FLNB: variants seen among roughly 807,000 people sequenced by gnomAD.
FLNB encodes the protein filamin-B.
A neutral mutation model predicts 250.6 loss-of-function variants in FLNB; 111 were observed. The ratio of observed to expected loss-of-function variants is 0.44; its 90% CI spans 0.38 to 0.52. The LOEUF (loss-of-function observed/expected upper bound fraction) is 0.52. Among genes scored for constraint, FLNB ranks in the 20% least tolerant of loss-of-function variants. The pLI, the probability that FLNB is intolerant of heterozygous loss-of-function variation, is 0.00. For synonymous variants in FLNB, 1,302 were observed against 1,372.1 expected, an observed-to-expected ratio of 0.95 and a Z score of 1.13; for missense variants, 2,869 against 3,447.8, an observed-to-expected ratio of 0.83 and a Z score of 4.20.
intron 22 of FLNB, 69 bp downstream of exon 22, chr3:58,124,574 G>GGCATCA: frequency 6.5e-7 from 1 of 1,530,324 alleles, no homozygotes; most frequent in Non-Finnish European, 9.0e-7. Flanking sequence ...CCTGGTGGCT[G>GGCATCA]GTACTGATGC....
intron 11 of FLNB, among the ~76,000 whole-genome samples, chr3:58,105,983 A>G (rs2107102786): frequency 6.6e-6 from 1 of 152,330 alleles, no homozygotes; most frequent in Middle Eastern, 3.4e-3. Flanking sequence ...GTATCCTTCT[A>G]GACTTTTTTC....
Position 58,134,784 on chromosome 3 carries a change from T to G in FLNB, c.4671+12T>G. 6.2e-7 allele frequency: 1 copy of G among 1,613,144 alleles called. No individual in the cohort carries two copies. Reference sequence around the variant, plus strand: ...CTGTTCAAATAACGGTAACTTGGAGTTATTTTCTGAGCCAAACCTTAATCC... The same window carrying G: ...CTGTTCAAATAACGGTAACTTGGAGGTATTTTCTGAGCCAAACCTTAATCC... On this transcript the variant is annotated intron_variant, in intron 27 of 45. Transcript: ENST00000295956.
intron 9 of FLNB, among the ~76,000 whole-genome samples, 170 bp downstream of exon 9, chr3:58,102,510 T>C (rs2097252765): frequency 6.6e-6 from 1 of 152,256 alleles, no homozygotes; most frequent in African/African-American, 2.4e-5. Flanking sequence ...TGATTAGTAA[T>C]GTCTGCCCTG....
At chr3:58,023,236 C>T (rs753903855) in intron 1 of FLNB, among the ~76,000 whole-genome samples, 1 of 150,832 alleles carries the variant, frequency 6.6e-6, no homozygotes, top group Non-Finnish European at 1.5e-5. Flanking sequence ...GTAGCTGGGA[C>T]TACAGGCACG....
At chr3:58,170,353 G>A in intron 45 of FLNB, 1 of 585,216 alleles carries the variant, frequency 1.7e-6, no homozygotes, top group South Asian at 2.0e-5. Context: ...AGGGAGAGGT[G>A]AGATTCCAGT....
intron 1 of FLNB, among the ~76,000 whole-genome samples, chr3:58,013,011 A>G (rs1468205143): frequency 6.6e-6 from 1 of 152,220 alleles, no homozygotes; most frequent in Non-Finnish European, 1.5e-5. Context: ...CGCCATCCAA[A>G]AGTTGAAAAT....
intron 1 of FLNB, among the ~76,000 whole-genome samples, chr3:58,037,999 C>G (rs1387165181): frequency 6.6e-6 from 1 of 152,052 alleles, no homozygotes; most frequent in Non-Finnish European, 1.5e-5. Context: ...GACTTTGAGC[C>G]TGAGGCCTGT....
In FLNB at chr3:58,008,619, C is replaced by T; in HGVS notation, c.55C>T (p.Gln19Ter). The T allele has an allele frequency of 6.2e-7, 1 of 1,613,422 alleles. No homozygotes were observed. The highest frequency in any genetic ancestry group is 8.5e-7 in the Non-Finnish European group (1 of 1,179,762). ...AEDAPWKKIQQNTFTRWCNEH... is the reference protein window; with the variant it reads ...AEDAPWKKIQ Reference sequence around the variant, plus strand: ...GGACGCGCCTTGGAAGAAGATCCAGCAGAACACGTTCACACGCTGGTGCAA... The same window carrying T: ...GGACGCGCCTTGGAAGAAGATCCAGTAGAACACGTTCACACGCTGGTGCAA... Residue 19 changes from glutamine (Q) to a stop codon, truncating the protein, a stop_gained, in exon 1 of 46, where the codon CAG (glutamine) becomes TAG (stop). Coordinates refer to ENST00000295956, the MANE Select transcript of FLNB (RefSeq NM_001457.4). LOFTEE classifies it high-confidence loss of function.
chr3:58,154,638 A>T (rs1029317086), intron 39 of FLNB, 153 bp from the exon 40 acceptor site: 58 of 737,326 alleles, frequency 7.9e-5, no homozygotes, highest in Admixed American at 2.3e-4. Flanking sequence ...TCAGCAATGG[A>T]CCTTGGACCT....
intron 1 of FLNB, among the ~76,000 whole-genome samples, chr3:58,017,472 C>G (rs751996909): frequency 8.5e-5 from 13 of 152,118 alleles, no homozygotes; most frequent in Non-Finnish European, 1.6e-4. Flanking sequence ...AGGCTGGTCT[C>G]GAACTCCCGA....
At chr3:58,092,207 C>T (rs1010260852) in intron 4 of FLNB, among the ~76,000 whole-genome samples, 10 of 152,106 alleles carry the variant, frequency 6.6e-5, no homozygotes, top group African/African-American at 2.2e-4. Context: ...ACTATCAGAA[C>T]GGCTAAAATA....
Position 58,169,511 on chromosome 3 carries a change from G to T in FLNB, c.7418-79G>T. On this transcript the variant is annotated intron_variant, in intron 44 of 45. Transcript: ENST00000295956. This position sits in a 1 kb window ranked among gnomAD's most constrained non-coding sequence, Gnocchi z 4.8. ...GGGCTCTCCTGGGGTTACTGTGTAG[G>T]GTACTCGCCTGTCCTCTGGCTGAGA... The T allele has an allele frequency of 8.7e-7, 1 of 1,145,546 alleles. No homozygotes were observed. The highest frequency in any genetic ancestry group is 1.2e-5 in the South Asian group (1 of 81,450). 71.0% of individuals were successfully genotyped at this position (1,145,546 alleles called of 1,614,324 possible).
rs540724507 is a variant in FLNB at position 58,109,272 on chromosome 3, A to T, written c.2149A>T (p.Thr717Ser). ...CACCCCGGTGAAGGCCATCAAGCACACCATTGCTGTGGTCTGGGGAGGCGT... is the reference window on the plus strand; with the variant it reads ...CACCCCGGTGAAGGCCATCAAGCACTCCATTGCTGTGGTCTGGGGAGGCGT... Reference protein sequence around the residue: ...SYTPVKAIKHTIAVVWGGVNI... With the variant: ...SYTPVKAIKHSIAVVWGGVNI... Residue 717 changes from threonine to serine, a missense_variant, in exon 14 of 46, where the codon ACC becomes TCC. Coordinates refer to ENST00000295956, the MANE Select transcript of FLNB (RefSeq NM_001457.4). 10 of 1,614,054 alleles carry T rather than the reference A, an allele frequency of 6.2e-6. No individual in the cohort carries two copies. The highest frequency in any genetic ancestry group is 8.5e-6 in the Non-Finnish European group (10 of 1,180,030).
In FLNB at chr3:58,077,301, G is replaced by T. The variant is rs2106947075; in HGVS notation, c.541+7G>T. 1 of 1,613,616 alleles carries T rather than the reference G, an allele frequency of 6.2e-7. No homozygotes were observed. Among genetic ancestry groups the T allele is most frequent in the East Asian group, 2.2e-5 (1 of 44,876 alleles). ...GTAGACAGCTGTGCTCCAGGTAAGT[G>T]GCCAGGGCTGCCTAAACCATCTGTC... is the stretch of plus-strand genomic sequence containing the variant. On this transcript the variant is annotated splice_region_variant and intron_variant, in intron 2 of 45. Transcript: ENST00000295956.
chr3:58,097,969 A>G lies in FLNB; in HGVS notation c.1139A>G (p.Tyr380Cys), dbSNP rs201882876. The G allele has an allele frequency of 1.3e-4, 216 of 1,614,050 alleles. 8 individuals carry two copies. The South Asian group carries it at 2.2e-3, about 16-fold the overall frequency. ...AATAAGCCCACCTACTTTGACATCTATACGGCAGGTAACGTGCCTCTCCTC... is the reference window on the plus strand; with the variant it reads ...AATAAGCCCACCTACTTTGACATCTGTACGGCAGGTAACGTGCCTCTCCTC... ...IANKPTYFDI[Y>C]TAGAGVGDIG... Residue 380 changes from tyrosine to cysteine, a missense_variant, in exon 7 of 46, where the codon TAT becomes TGT. By Grantham distance (194) the Tyr-to-Cys change is radical. Around this residue, in one of 5 missense-constraint regions of FLNB, gnomAD observed 1,348 missense variants for 1,466.7 expected, o/e 0.92. Coordinates refer to ENST00000295956, the MANE Select transcript of FLNB (RefSeq NM_001457.4).
At chr3:58,088,957 A>G (rs1445883998) in intron 4 of FLNB, among the ~76,000 whole-genome samples, 2 of 152,130 alleles carry the variant, frequency 1.3e-5, no homozygotes, top group Non-Finnish European at 2.9e-5. Context: ...TCGAGGTTGA[A>G]TGGAGAGCCT....
Position 58,134,641 on chromosome 3 carries a change from A to G in FLNB, c.4540A>G (p.Thr1514Ala), listed in dbSNP as rs369947461. The G allele has an allele frequency of 6.2e-7, 1 of 1,614,006 alleles. No individual in the cohort carries two copies. Residue 1514 changes from threonine (T) to alanine (A), a missense_variant, in exon 27 of 46, where the codon ACA (threonine) becomes GCA (alanine). By Grantham distance (58) the Thr-to-Ala change is moderately conservative. Around this residue, in one of 5 missense-constraint regions of FLNB, gnomAD observed 126 missense variants for 182.0 expected, o/e 0.69. Transcript: ENST00000295956. ...RSPFKVKVLP[T>A]YDASKVTASG... ...TCCCTTCAAGGTCAAGGTCCTTCCC[A>G]CATATGATGCCAGCAAAGTGACTGC...
At chr3:58,148,056 C>A in intron 34 of FLNB, 150 bp from the exon 35 acceptor site, 1 of 758,124 alleles carries the variant, frequency 1.3e-6, no homozygotes, top group Non-Finnish European at 2.3e-6. Flanking sequence ...TTGGTTGGGT[C>A]TACTCAGTGT....
In FLNB at chr3:58,157,491, A is replaced by G. The variant is rs551066533; in HGVS notation, c.6888+1416A>G. Among the ~76,000 whole-genome samples, 3 of 152,332 alleles carry G rather than the reference A, an allele frequency of 2.0e-5. No individual in the cohort carries two copies. In the South Asian group the frequency reaches 6.2e-4, roughly 32 times the overall value. On this transcript the variant is annotated intron_variant, in intron 41 of 45. Transcript: ENST00000295956. ...CATTTAGAGACGTAAACAGAACCCA[A>G]ACCAGACTCAGTCCACACATTGAAG...
Sources: gnomAD v4.1 joint callset for allele counts (sites outside exome capture counted in the v4.1 genomes callset) on GRCh38, gnomAD v4.1.1 for gene constraint, gnomAD v4.1.1 regional missense constraint, Gnocchi (gnomAD v3.1) non-coding constraint, MANE v1.5 for transcripts, NCBI Gene and HGNC (gene_info 2026-07-23, HGNC 2026-07-21) for gene names.